Variants in CSMD3 observed in about 807,000 individuals in gnomAD.
The protein encoded by CSMD3 is CUB and Sushi multiple domains 3, also known as CUB and sushi domain-containing protein 3.
Under a neutral mutation model 435.2 loss-of-function variants are expected in CSMD3, and 177 were observed. The ratio of observed to expected loss-of-function variants is 0.41; its 90% CI spans 0.36 to 0.46. CSMD3 has a LOEUF of 0.46. Ranked by LOEUF, CSMD3 falls within the 20% of genes least tolerant of loss-of-function variation. CSMD3 has a pLI of 0.34. For missense variants in CSMD3, 4,265 were observed against 4,504.6 expected, an observed-to-expected ratio of 0.95 and a Z score of 1.52; for synonymous variants, 1,656 against 1,520.5, an observed-to-expected ratio of 1.09 and a Z score of -2.07.
intron 5 of CSMD3, among the ~76,000 whole-genome samples, chr8:113,042,331 T>G: frequency 6.6e-6 from 1 of 152,136 alleles, no homozygotes; most frequent in South Asian, 2.1e-4. Flanking sequence ...TGAGAACAGA[T>G]ACCAGATAGA....
At chr8:112,497,480 A>AATAT (rs34936636) in intron 30 of CSMD3, among the ~76,000 whole-genome samples, 129 of 144,676 alleles carry the variant, frequency 8.9e-4, no homozygotes, top group South Asian at 4.2e-3. Context: ...GTACTCCATA[A>AATAT]ATATATATAT....
intron 35 of CSMD3, among the ~76,000 whole-genome samples, chr8:112,395,643 C>T (rs1830794245): frequency 6.6e-6 from 1 of 152,076 alleles, no homozygotes; most frequent in African/African-American, 2.4e-5. Flanking sequence ...GTGGCAGCTT[C>T]CAGGGCTTTT....
At position 112,274,655 on chromosome 8, in the gene CSMD3, T is replaced by A. The variant is rs139254297; in HGVS notation, c.9508+6519A>T. ...CAGGAATGCCACTTGTCATACAGAA[T>A]TCTATACCCAGCAAAAATATGTATT... On this transcript the variant is annotated intron_variant, in intron 59 of 70. Coordinates refer to ENST00000297405, the MANE Select transcript of CSMD3 (RefSeq NM_198123.2). 3.1e-3 allele frequency among the ~76,000 whole-genome samples: 471 copies of A among 152,208 alleles called. 4 individuals are homozygous for A. The highest frequency in any genetic ancestry group is 0.011 in the African/African-American group (456 of 41,500).
chr8:112,342,003 A>G (rs1168565526), intron 41 of CSMD3, among the ~76,000 whole-genome samples: 3 of 152,140 alleles, frequency 2.0e-5, no homozygotes, highest in Admixed American at 1.3e-4. Context: ...AAATTACATA[A>G]ACTAATTTTT....
At chr8:112,738,348 A>C (rs1342055505) in intron 13 of CSMD3, among the ~76,000 whole-genome samples, 3 of 151,758 alleles carry the variant, frequency 2.0e-5, no homozygotes, top group Non-Finnish European at 4.4e-5. Flanking sequence ...TTGGTATGTA[A>C]GTGTTCAATA....
At chr8:112,336,520 C>CA in intron 44 of CSMD3, 132 bp downstream of exon 44, 1 of 754,932 alleles carries the variant, frequency 1.3e-6, no homozygotes, top group South Asian at 1.6e-5. Flanking sequence ...CACATACTGT[C>CA]ACCCTCAGTT....
intron 31 of CSMD3, among the ~76,000 whole-genome samples, chr8:112,473,441 C>T (rs1031916699): frequency 3.3e-5 from 5 of 151,982 alleles, no homozygotes; most frequent in South Asian, 2.1e-4. Context: ...ATTCTTTAAG[C>T]GAATAAGATC....
At chr8:112,470,655 C>G (rs901970940) in intron 32 of CSMD3, among the ~76,000 whole-genome samples, 2 of 151,754 alleles carry the variant, frequency 1.3e-5, no homozygotes, top group African/African-American at 4.8e-5. Flanking sequence ...ATATATATAT[C>G]TCATTTACTG....
At chr8:112,580,764 T>C (rs894836697) in intron 23 of CSMD3, among the ~76,000 whole-genome samples, 8 of 152,060 alleles carry the variant, frequency 5.3e-5, no homozygotes, top group Non-Finnish European at 1.0e-4. Context: ...TCAGACCAAG[T>C]AGCAAATGAG....
chr8:112,787,909 ATAAT>A (rs749707441), intron 13 of CSMD3, among the ~76,000 whole-genome samples: 19 of 152,278 alleles, frequency 1.2e-4, no homozygotes, highest in Non-Finnish European at 2.1e-4. Context: ...ACAGTGAAAA[ATAAT>A]TTAATGTACA....
intron 10 of CSMD3, among the ~76,000 whole-genome samples, chr8:112,907,286 G>A (rs1046288009): frequency 6.6e-6 from 1 of 151,456 alleles, no homozygotes; most frequent in African/African-American, 2.4e-5. Flanking sequence ...AACTTCACGT[G>A]AACTTTTGAA....
At chr8:112,976,178 C>A (rs757510387) in intron 6 of CSMD3, 30 bp from the exon 7 acceptor site, 2 of 1,609,544 alleles carry the variant, frequency 1.2e-6, no homozygotes, top group Non-Finnish European at 8.5e-7. Context: ...TAGATGCTAA[C>A]TTTTTCTTTT....
intron 4 of CSMD3, among the ~76,000 whole-genome samples, chr8:113,131,031 A>G (rs565558222): frequency 2.6e-4 from 40 of 152,198 alleles, no homozygotes; most frequent in Non-Finnish European, 5.3e-4. Flanking sequence ...TTCAAGAAGT[A>G]ACATGGCTGT....
intron 23 of CSMD3, among the ~76,000 whole-genome samples, chr8:112,584,658 C>T (rs1470257731): frequency 2.0e-5 from 3 of 151,692 alleles, no homozygotes; most frequent in South Asian, 2.1e-4. Flanking sequence ...ACTTGATTCT[C>T]ATATAAGGAT....
At chr8:112,468,537 A>T (rs1448231249) in intron 32 of CSMD3, among the ~76,000 whole-genome samples, 1 of 152,096 alleles carries the variant, frequency 6.6e-6, no homozygotes, top group Admixed American at 6.6e-5. Flanking sequence ...GGTATAATAC[A>T]TATTAACAAA....
chr8:113,272,469 G>A (rs1427878710), intron 3 of CSMD3, among the ~76,000 whole-genome samples: 1 of 152,004 alleles, frequency 6.6e-6, no homozygotes, highest in African/African-American at 2.4e-5. Context: ...AGGGGTTTCT[G>A]CTTTTGCAAT....
At chr8:112,488,380 C>T (rs962156403) in intron 31 of CSMD3, among the ~76,000 whole-genome samples, 2 of 152,086 alleles carry the variant, frequency 1.3e-5, no homozygotes, top group African/African-American at 4.8e-5. Flanking sequence ...TAGGGTGCGA[C>T]TAAGGCAACA....
chr8:113,369,148 T>A (rs1396491253), intron 1 of CSMD3, among the ~76,000 whole-genome samples: 6 of 151,956 alleles, frequency 3.9e-5, no homozygotes, highest in Non-Finnish European at 7.4e-5. Flanking sequence ...TCTCACCATA[T>A]TTTTCAGAAA....
intron 13 of CSMD3, among the ~76,000 whole-genome samples, chr8:112,791,768 T>G (rs1453057893): frequency 2.6e-5 from 4 of 152,146 alleles, no homozygotes; most frequent in African/African-American, 7.2e-5. Context: ...AAGGCTGGGT[T>G]GTGAGGTAGA....
Sources: allele counts gnomAD v4.1 joint callset (sites outside exome capture counted in the v4.1 genomes callset), GRCh38; gene constraint gnomAD v4.1.1; transcripts MANE v1.5; gene names NCBI Gene and HGNC (gene_info 2026-07-23, HGNC 2026-07-21).